The following ATRNL1 variants were observed in gnomAD, a reference collection of about 807,000 sequenced individuals.
The protein encoded by ATRNL1 is attractin-like protein 1.
A neutral mutation model predicts 182.7 loss-of-function variants in ATRNL1; 95 were observed. The observed-to-expected ratio is 0.52, with a 90% CI of 0.44 to 0.62. The LOEUF (loss-of-function observed/expected upper bound fraction) is 0.62, where lower values mean the gene tolerates loss of function less well. Among genes scored for constraint, ATRNL1 ranks in the 20% least tolerant of loss-of-function variants. The probability of loss-of-function intolerance (pLI) is 0.00; values close to 1 mark genes in which losing one functional copy is unlikely to be tolerated. For synonymous variants in ATRNL1, 576 were observed against 568.3 expected (o/e 1.01, Z -0.19); for missense variants, 1,471 against 1,679.5 (o/e 0.88, Z 2.17).
chr10:115,557,746 C>A (rs1428143040), intron 26 of ATRNL1, among the ~76,000 whole-genome samples: 4 of 152,056 alleles, frequency 2.6e-5, no homozygotes, highest in East Asian at 1.9e-4. Flanking sequence ...GTGAAAAAAT[C>A]TTTAAAAAAC....
intron 11 of ATRNL1, among the ~76,000 whole-genome samples, chr10:115,265,916 C>G (rs554435868): frequency 1.3e-5 from 2 of 151,776 alleles, no homozygotes; most frequent in East Asian, 3.9e-4. Flanking sequence ...TTTTTATAAG[C>G]CCATTTTATT....
intron 1 of ATRNL1, among the ~76,000 whole-genome samples, chr10:115,097,254 T>C (rs911742839): frequency 6.6e-6 from 1 of 151,756 alleles, no homozygotes; most frequent in Non-Finnish European, 1.5e-5. Context: ...GAGGCCGAGG[T>C]GGAAGGATCC....
chr10:115,530,135 T>TTTGAG (rs1472019155), intron 25 of ATRNL1, among the ~76,000 whole-genome samples: 1 of 152,186 alleles, frequency 6.6e-6, no homozygotes, highest in African/African-American at 2.4e-5. Flanking sequence ...TTGATGGTTA[T>TTTGAG]TTGAGTTCTT....
rs181443798 is a variant in ATRNL1, at chr10:115,687,135, G to T, written c.3796-40113G>T. Among the ~76,000 whole-genome samples the T allele has an allele frequency of 9.9e-4, 151 of 152,104 alleles. 1 individual carries two copies. The highest frequency in any genetic ancestry group is 3.5e-3 in the African/African-American group (146 of 41,528). ...ATGGAAAATCTCGTCTCAGCAAAAT[G>T]TTAAGTATATAATACATTAACTATA... On this transcript the variant is annotated intron_variant, in intron 26 of 28. Coordinates refer to ENST00000355044, the MANE Select transcript of ATRNL1 (RefSeq NM_207303.4).
chr10:115,612,723 A>C lies in ATRNL1; in HGVS notation c.3795+63187A>C, dbSNP rs568917389. ...AGTTCTTTTTACAGGCATATGTGCA[A>C]GTAAGAGACTTTCAGATGTTCTTTG... On this transcript the variant is annotated intron_variant, in intron 26 of 28. Transcript: ENST00000355044. Among the ~76,000 whole-genome samples, 12 of 152,338 alleles carry C rather than the reference A, an allele frequency of 7.9e-5. No homozygotes were observed. In the South Asian group the frequency reaches 1.7e-3, roughly 21 times the overall value.
chr10:115,266,047 A>G (rs17092922), intron 11 of ATRNL1, among the ~76,000 whole-genome samples: 4 of 151,844 alleles, frequency 2.6e-5, no homozygotes, highest in Non-Finnish European at 4.4e-5. Flanking sequence ...AAACTGTGAA[A>G]CATAAAACCT....
At chr10:115,148,585 C>A (rs977624414) in intron 5 of ATRNL1, among the ~76,000 whole-genome samples, 1 of 151,926 alleles carries the variant, frequency 6.6e-6, no homozygotes, top group African/African-American at 2.4e-5. Flanking sequence ...GGGGAAATAG[C>A]CAAGGTTTGT....
intron 26 of ATRNL1, among the ~76,000 whole-genome samples, chr10:115,635,912 C>T (rs1346844789): frequency 6.6e-6 from 1 of 151,906 alleles, no homozygotes; most frequent in Non-Finnish European, 1.5e-5. Flanking sequence ...AGAATAAATA[C>T]TTAGGATTGG....
intron 26 of ATRNL1, among the ~76,000 whole-genome samples, chr10:115,613,699 A>G (rs1555019801): frequency 6.6e-6 from 1 of 152,104 alleles, no homozygotes; most frequent in African/African-American, 2.4e-5. Flanking sequence ...CAATCCAGTT[A>G]CTGATTTTAT....
At chr10:115,893,774 C>T (rs932094150) in intron 28 of ATRNL1, among the ~76,000 whole-genome samples, 16 of 152,288 alleles carry the variant, frequency 1.1e-4, no homozygotes, top group African/African-American at 3.8e-4. Context: ...TGAAACGCGA[C>T]TACTTCCATA....
At chr10:115,372,105 ATTAAACCTC>A (rs1334169255) in intron 19 of ATRNL1, among the ~76,000 whole-genome samples, 2 of 152,228 alleles carry the variant, frequency 1.3e-5, no homozygotes, top group Non-Finnish European at 2.9e-5. Flanking sequence ...CTGTGAGTCC[ATTAAACCTC>A]TTTCTTTTGT....
At chr10:115,525,662 C>T (rs977920636) in intron 25 of ATRNL1, among the ~76,000 whole-genome samples, 9 of 152,060 alleles carry the variant, frequency 5.9e-5, no homozygotes, top group Admixed American at 3.3e-4. Context: ...TTCCATAAGC[C>T]AGGACAACCC....
chr10:115,724,189 T>C (rs1947524180), intron 26 of ATRNL1, among the ~76,000 whole-genome samples: 1 of 152,158 alleles, frequency 6.6e-6, no homozygotes, highest in Non-Finnish European at 1.5e-5. Context: ...CTTAAGAAAA[T>C]ACGATACAGT....
intron 24 of ATRNL1, among the ~76,000 whole-genome samples, chr10:115,514,051 TC>T (rs1850519866): frequency 6.6e-6 from 1 of 151,978 alleles, no homozygotes; most frequent in Non-Finnish European, 1.5e-5. Flanking sequence ...ATACACTTCA[TC>T]CCACCATTAA....
chr10:115,256,993 G>A (rs782641875), intron 10 of ATRNL1, among the ~76,000 whole-genome samples: 1 of 152,204 alleles, frequency 6.6e-6, no homozygotes, highest in Non-Finnish European at 1.5e-5. Flanking sequence ...TGTTCTGAGA[G>A]ACAGTTTTTT....
At chr10:115,242,404 C>T (rs527247140) in intron 10 of ATRNL1, among the ~76,000 whole-genome samples, 2 of 151,844 alleles carry the variant, frequency 1.3e-5, no homozygotes, top group Admixed American at 6.6e-5. Flanking sequence ...TTTAGGTATC[C>T]AGTAGACCCT....
intron 27 of ATRNL1, among the ~76,000 whole-genome samples, chr10:115,754,112 T>C (rs1948522038): frequency 6.6e-6 from 1 of 152,204 alleles, no homozygotes; most frequent in African/African-American, 2.4e-5. Flanking sequence ...TTTTCTCCCA[T>C]TCTGTAGGTT....
chr10:115,321,522 T>C (rs1261968586), intron 18 of ATRNL1, among the ~76,000 whole-genome samples: 1 of 151,980 alleles, frequency 6.6e-6, no homozygotes, highest in Non-Finnish European at 1.5e-5. Context: ...CGTCAGGGAG[T>C]TTTATACTTT....
intron 28 of ATRNL1, among the ~76,000 whole-genome samples, chr10:115,883,089 G>C (rs781872837): frequency 6.6e-6 from 1 of 152,150 alleles, no homozygotes; most frequent in Admixed American, 6.5e-5. Context: ...TGTTCTCTAA[G>C]GCACCAGCGC....
Sources: gnomAD v4.1 joint callset for allele counts (sites outside exome capture counted in the v4.1 genomes callset) on GRCh38, gnomAD v4.1.1 for gene constraint, MANE v1.5 for transcripts, NCBI Gene and HGNC (gene_info 2026-07-23, HGNC 2026-07-21) for gene names.